Variants in DPP10 observed in about 807,000 individuals in gnomAD.
DPP10 encodes the protein dipeptidyl peptidase like 10.
In DPP10, 33 loss-of-function variants were observed where a neutral mutation model predicts 120.9. The observed-to-expected ratio is 0.27, with a 90% confidence interval of 0.21 to 0.37. DPP10 has a LOEUF of 0.37. Ranked by LOEUF, DPP10 falls within the 10% of genes least tolerant of loss-of-function variation. DPP10 has a pLI of 1.00. For synonymous variants in DPP10, 337 were observed against 326.1 expected, an observed-to-expected ratio of 1.03 and a Z score of -0.36; for missense variants, 816 against 942.8, an observed-to-expected ratio of 0.87 and a Z score of 1.76.
At chr2:115,639,619 C>T (rs2086617965) in intron 5 of DPP10, among the ~76,000 whole-genome samples, 1 of 130,116 alleles carries the variant, frequency 7.7e-6, no homozygotes, top group Non-Finnish European at 1.8e-5. Context: ...AACTCAAATG[C>T]ATTACAGGTT....
At chr2:115,782,239 G>C in intron 16 of DPP10, 113 bp from the exon 17 acceptor site, 1 of 841,646 alleles carries the variant, frequency 1.2e-6, no homozygotes, top group African/African-American at 1.7e-5. Context: ...GTTTTGTTAT[G>C]TTTTAACCAC....
intron 5 of DPP10, among the ~76,000 whole-genome samples, chr2:115,535,594 G>A (rs373891581): frequency 3.3e-4 from 49 of 150,140 alleles, no homozygotes; most frequent in African/African-American, 1.1e-3. Context: ...TTGGTGATGC[G>A]GGCTCTTTTT....
intron 1 of DPP10, among the ~76,000 whole-genome samples, chr2:114,536,656 C>T (rs1231732183): frequency 3.9e-5 from 6 of 152,122 alleles, no homozygotes; most frequent in Admixed American, 3.3e-4. Flanking sequence ...CCACCTGTCT[C>T]GGCCTCTTAA....
chr2:115,814,930 A>G lies in DPP10; in HGVS notation c.1838A>G (p.Gln613Arg). 1.2e-6 allele frequency: 2 copies of G among 1,612,814 alleles called. No individual in the cohort carries two copies. Among genetic ancestry groups the G allele is most frequent in the South Asian group, 1.1e-5 (1 of 90,916 alleles). ...GSGFQGLKILQEIHRRLGSVE... is the reference protein window; with the variant it reads ...GSGFQGLKILREIHRRLGSVE... ...GGATTCCAGGGTCTGAAAATTTTGCAGGAGATTCATCGAAGATTAGGTTCA... is the reference window on the plus strand; with the variant it reads ...GGATTCCAGGGTCTGAAAATTTTGCGGGAGATTCATCGAAGATTAGGTTCA... Residue 613 changes from glutamine (Q) to arginine (R), a missense_variant, in exon 20 of 26, where the codon CAG (glutamine) becomes CGG (arginine). Gln to Arg is a conservative substitution (Grantham distance 43). Around this residue, in one of 3 missense-constraint regions of DPP10, gnomAD observed 592 missense variants for 649.0 expected, o/e 0.91. Coordinates refer to ENST00000410059, the MANE Select transcript of DPP10 (RefSeq NM_020868.6).
chr2:114,915,031 T>C (rs2106635833), intron 1 of DPP10, among the ~76,000 whole-genome samples: 1 of 151,978 alleles, frequency 6.6e-6, no homozygotes, highest in South Asian at 2.1e-4. Context: ...CACGGGAGGC[T>C]GAGGCAGGAG....
rs191634093 is a variant in DPP10 at position 114,794,104 on chromosome 2, T to A, written c.60+351266T>A. Among the ~76,000 whole-genome samples the A allele has an allele frequency of 2.4e-3, 370 of 152,300 alleles. 2 individuals are homozygous for A. The highest frequency in any genetic ancestry group is 8.3e-3 in the African/African-American group (347 of 41,570). ...ACCTGATAGCCACAACAAGTTCATATTATGTTTTACTTTTGGATTTTCCCA... is the reference window on the plus strand; with the variant it reads ...ACCTGATAGCCACAACAAGTTCATAATATGTTTTACTTTTGGATTTTCCCA... On this transcript the variant is annotated intron_variant, in intron 1 of 25. Transcript: ENST00000410059.
intron 1 of DPP10, among the ~76,000 whole-genome samples, chr2:114,489,102 G>A (rs1176906916): frequency 6.6e-6 from 1 of 152,170 alleles, no homozygotes; most frequent in East Asian, 1.9e-4. Context: ...TACTTTAAAT[G>A]TCTGACCAGA....
At chr2:115,770,192 A>T (rs554013000) in intron 13 of DPP10, among the ~76,000 whole-genome samples, 33 of 152,096 alleles carry the variant, frequency 2.2e-4, no homozygotes, top group Admixed American at 2.0e-3. Flanking sequence ...TTGTAAAAGT[A>T]TGGCGTTGGG....
rs533702350 is a variant in DPP10, at chr2:115,380,453, T to C, written c.271+36541T>C. On this transcript the variant is annotated intron_variant, in intron 3 of 25. Coordinates refer to ENST00000410059, the MANE Select transcript of DPP10 (RefSeq NM_020868.6). ...TTTTGAGCCTATGTGTGTCTCTGCA[T>C]GTGAGATGGGTTTCCTGAATACAGC... Among the ~76,000 whole-genome samples, 27 of 152,312 alleles carry C rather than the reference T, an allele frequency of 1.8e-4. No individual in the cohort carries two copies. In the East Asian group the frequency reaches 4.2e-3, roughly 24 times the overall value.
intron 5 of DPP10, among the ~76,000 whole-genome samples, chr2:115,571,380 C>T (rs2081328776): frequency 6.6e-6 from 1 of 152,026 alleles, no homozygotes; most frequent in Non-Finnish European, 1.5e-5. Context: ...ACCTTACCTC[C>T]CTCCCTCCCC....
chr2:114,701,884 A>T (rs894125516), intron 1 of DPP10, among the ~76,000 whole-genome samples: 7 of 152,188 alleles, frequency 4.6e-5, no homozygotes, highest in African/African-American at 1.4e-4. Flanking sequence ...AGCTAGCTAC[A>T]AATGAAAAAT....
intron 1 of DPP10, among the ~76,000 whole-genome samples, chr2:114,761,277 G>C (rs898522505): frequency 3.3e-5 from 5 of 152,016 alleles, no homozygotes; most frequent in South Asian, 4.2e-4. Context: ...AGTAAATCTG[G>C]GAAATACTAT....
At chr2:114,503,613 C>T (rs1683387790) in intron 1 of DPP10, among the ~76,000 whole-genome samples, 1 of 152,048 alleles carries the variant, frequency 6.6e-6, no homozygotes, top group Non-Finnish European at 1.5e-5. Flanking sequence ...TCTCACGGTC[C>T]CAAACAATAT....
rs752122665 is a variant in DPP10 at position 115,225,703 on chromosome 2, GTTATAA to G, written c.61-83530_61-83525del. Among the ~76,000 whole-genome samples the G allele has an allele frequency of 2.7e-4, 41 of 151,792 alleles. 1 individual carries two copies. Among genetic ancestry groups the G allele is most frequent in the South Asian group, 1.0e-3 (5 of 4,794 alleles). ...AAGTATTAATAGTAATTATTTCTCTGTTATAATTATAGGTATTCTTTGTGCTAGTTT... is the reference window on the plus strand; with the variant it reads ...AAGTATTAATAGTAATTATTTCTCTGTTATAGGTATTCTTTGTGCTAGTTT... On this transcript the variant is annotated intron_variant, in intron 1 of 25. Transcript: ENST00000410059.
chr2:115,171,219 G>A (rs1308775463), intron 1 of DPP10, among the ~76,000 whole-genome samples: 1 of 151,960 alleles, frequency 6.6e-6, no homozygotes. Flanking sequence ...AAATTAGCCA[G>A]GTGTGGTGCC....
chr2:114,523,211 A>G (rs1685217877), intron 1 of DPP10, among the ~76,000 whole-genome samples: 1 of 152,182 alleles, frequency 6.6e-6, no homozygotes, highest in Non-Finnish European at 1.5e-5. Context: ...GCATAAATTG[A>G]ACCACAGTGC....
chr2:115,346,371 C>A (rs2106274671), intron 3 of DPP10, among the ~76,000 whole-genome samples: 1 of 152,180 alleles, frequency 6.6e-6, no homozygotes, highest in South Asian at 2.1e-4. Context: ...TCATTTAATT[C>A]TTGGAGGTCA....
intron 1 of DPP10, among the ~76,000 whole-genome samples, chr2:114,872,936 A>T (rs1409431059): frequency 6.6e-6 from 1 of 152,208 alleles, no homozygotes; most frequent in African/African-American, 2.4e-5. Flanking sequence ...TTTGTATAAT[A>T]TGTGGGGACT....
At chr2:115,438,650 A>G (rs748382330) in intron 3 of DPP10, among the ~76,000 whole-genome samples, 2 of 152,252 alleles carry the variant, frequency 1.3e-5, no homozygotes, top group Non-Finnish European at 2.9e-5. Context: ...ACACAAATGG[A>G]CAAACAGTAT....
Sources: gnomAD v4.1 joint callset for allele counts (sites outside exome capture counted in the v4.1 genomes callset) on GRCh38, gnomAD v4.1.1 for gene constraint, gnomAD v4.1.1 regional missense constraint, MANE v1.5 for transcripts, NCBI Gene and HGNC (gene_info 2026-07-23, HGNC 2026-07-21) for gene names.